Variants in RPS6KA5 observed in about 807,000 individuals in gnomAD.
RPS6KA5 encodes ribosomal protein S6 kinase A5, also known as ribosomal protein S6 kinase alpha-5.
Under a neutral mutation model 85.5 loss-of-function variants are expected in RPS6KA5, and 27 were observed. The observed-to-expected ratio is 0.32, with a 90% confidence interval of 0.23 to 0.44. The LOEUF is 0.44. Among genes scored for constraint, RPS6KA5 ranks in the 20% least tolerant of loss-of-function variants. RPS6KA5 has a pLI of 1.00. For synonymous variants in RPS6KA5, 334 were observed against 348.2 expected (o/e 0.96, Z 0.46); for missense variants, 811 against 980.9 (o/e 0.83, Z 2.31).
chr14:90,932,418 G>A (rs532967998), intron 5 of RPS6KA5, among the ~76,000 whole-genome samples: 20 of 152,234 alleles, frequency 1.3e-4, no homozygotes, highest in African/African-American at 3.9e-4. Flanking sequence ...GGGATTACAG[G>A]CATCAGCCCA....
intron 2 of RPS6KA5, among the ~76,000 whole-genome samples, chr14:90,984,497 G>C (rs1037963765): frequency 6.6e-6 from 1 of 152,188 alleles, no homozygotes; most frequent in Non-Finnish European, 1.5e-5. Flanking sequence ...TATGAAGGTC[G>C]CTTCTGTTCA....
chr14:91,037,237 G>A (rs981394758), intron 1 of RPS6KA5, among the ~76,000 whole-genome samples: 10 of 152,196 alleles, frequency 6.6e-5, no homozygotes, highest in African/African-American at 2.2e-4. Flanking sequence ...ATCCCCCAGA[G>A]ATGAAGGTCT....
intron 3 of RPS6KA5, among the ~76,000 whole-genome samples, chr14:90,951,045 G>A (rs1440628867): frequency 6.6e-6 from 1 of 150,836 alleles, no homozygotes; most frequent in Non-Finnish European, 1.5e-5. Context: ...GCTTGAACCG[G>A]GAGGCAGAGG....
intron 3 of RPS6KA5, among the ~76,000 whole-genome samples, chr14:90,971,494 C>T (rs1214473087): frequency 6.6e-6 from 1 of 152,104 alleles, no homozygotes; most frequent in Admixed American, 6.5e-5. Context: ...AAGGCAACTA[C>T]CAGTAAATAC....
At chr14:90,928,266 A>T (rs1240279084) in intron 5 of RPS6KA5, among the ~76,000 whole-genome samples, 1 of 151,766 alleles carries the variant, frequency 6.6e-6, no homozygotes, top group Non-Finnish European at 1.5e-5. Flanking sequence ...ATATATAAGA[A>T]CTTGTGGGAT....
chr14:90,874,321 G>C (rs1415459097), intron 15 of RPS6KA5, among the ~76,000 whole-genome samples: 1 of 152,236 alleles, frequency 6.6e-6, no homozygotes, highest in Non-Finnish European at 1.5e-5. Flanking sequence ...GGAGAGTGTA[G>C]CCTAGGGAGT....
intron 3 of RPS6KA5, among the ~76,000 whole-genome samples, chr14:90,974,447 T>C (rs1291479424): frequency 6.6e-6 from 1 of 152,220 alleles, no homozygotes; most frequent in East Asian, 1.9e-4. Context: ...CAAATGGCCA[T>C]GAATTCTTTC....
In RPS6KA5 at chr14:90,983,785, CTT is replaced by C. The variant is rs1491446641; in HGVS notation, c.176-5263_176-5262del. On this transcript the variant is annotated intron_variant, in intron 2 of 16. Coordinates refer to ENST00000614987, the MANE Select transcript of RPS6KA5 (RefSeq NM_004755.4). ...CTTTCTTTCTTTCCTTTCTTTCTTT[CTT>C]TCTCTCTCTCTCTCTCTCTCTCTCT... 1.8e-3 allele frequency among the ~76,000 whole-genome samples: 221 copies of C among 125,246 alleles called. 2 individuals are homozygous for C. The highest frequency in any genetic ancestry group is 0.012 in the Middle Eastern group (3 of 248). 82.2% of individuals were successfully genotyped at this position (125,246 alleles called of 152,430 possible). A position where few individuals can be genotyped will look rare whatever the true frequency, so the allele number is the denominator to read the frequency against.
chr14:90,900,214 G>A lies in RPS6KA5; in HGVS notation c.1273C>T (p.Leu425=). The A allele has an allele frequency of 6.3e-7, 1 of 1,599,948 alleles. No homozygotes were observed. The highest frequency in any genetic ancestry group is 1.1e-5 in the South Asian group (1 of 88,204). Residue 425 remains leucine, a synonymous_variant, in exon 11 of 17, where the codon CTA becomes TTA. Transcript: ENST00000614987. ...KDSPFYQHYD[L]DLKDKPLGEG... ...CCCAGGGGTTTGTCCTTCAAATCTA[G>A]GTCATAGTGTTGATAGAATGGAGAG...
In RPS6KA5 at chr14:90,989,917, A is replaced by C. The variant is rs143232175; in HGVS notation, c.175+11171T>G. Among the ~76,000 whole-genome samples the C allele has an allele frequency of 5.1e-4, 77 of 152,316 alleles. 2 individuals carry two copies. Among genetic ancestry groups the C allele is most frequent in the Admixed American group, 5.0e-3 (76 of 15,298 alleles). On this transcript the variant is annotated intron_variant, in intron 2 of 16. Transcript: ENST00000614987. ...AAAAATATACAGGGATGATCGTAAGAGCTTACAATCCAGAGGAAAGATTGC... is the reference window on the plus strand; with the variant it reads ...AAAAATATACAGGGATGATCGTAAGCGCTTACAATCCAGAGGAAAGATTGC...
chr14:90,940,757 G>C (rs2037527975), intron 5 of RPS6KA5, among the ~76,000 whole-genome samples: 1 of 152,186 alleles, frequency 6.6e-6, no homozygotes, highest in Non-Finnish European at 1.5e-5. Context: ...CAGGAGGTGA[G>C]CAGCAGACAA....
chr14:91,052,285 TAAAAAAAAAAAAAAAAAAA>T lies in RPS6KA5; in HGVS notation c.103+8028_103+8046del, dbSNP rs57523052. 2.1e-4 allele frequency: 45 copies of T among 213,066 alleles called. No homozygotes were observed. The African/African-American group carries it at 3.1e-3, about 15-fold the overall frequency. 13.2% of individuals were successfully genotyped at this position (213,066 alleles called of 1,614,324 possible). ...CAACATGGCAAAACCCCATCTCTAC[TAAAAAAAAAAAAAAAAAAA>T]AAAAAAAAAAAAAATTACCTGGGTA... is the stretch of plus-strand genomic sequence containing the variant. On this transcript the variant is annotated intron_variant, in intron 1 of 16. Coordinates refer to ENST00000614987, the MANE Select transcript of RPS6KA5 (RefSeq NM_004755.4).
intron 14 of RPS6KA5, among the ~76,000 whole-genome samples, chr14:90,889,807 G>A (rs560309237): frequency 3.9e-4 from 59 of 152,278 alleles, no homozygotes; most frequent in African/African-American, 1.3e-3. Flanking sequence ...GCTGAAGGGA[G>A]AGAGAGAGCT....
At chr14:90,995,008 A>G (rs1412020766) in intron 2 of RPS6KA5, among the ~76,000 whole-genome samples, 1 of 152,218 alleles carries the variant, frequency 6.6e-6, no homozygotes, top group East Asian at 1.9e-4. Context: ...ATTCATAAGT[A>G]GAATAAACTA....
intron 5 of RPS6KA5, among the ~76,000 whole-genome samples, chr14:90,936,539 A>C (rs1316510946): frequency 6.6e-6 from 1 of 152,144 alleles, no homozygotes; most frequent in African/African-American, 2.4e-5. Context: ...GTGACAGACC[A>C]AGACCCCATC....
At chr14:90,909,124 C>G (rs1201539738) in intron 7 of RPS6KA5, among the ~76,000 whole-genome samples, 1 of 152,186 alleles carries the variant, frequency 6.6e-6, no homozygotes, top group African/African-American at 2.4e-5. Context: ...AACCCTAGAC[C>G]ACTGCTGCCT....
rs2033131571 is a variant in RPS6KA5 at position 90,871,832 on chromosome 14, G to C, written c.*242C>G. 7.8e-6 allele frequency: 3 copies of C among 384,764 alleles called. No individual in the cohort carries two copies. Among genetic ancestry groups the C allele is most frequent in the South Asian group, 1.1e-4 (2 of 18,730 alleles). 23.8% of individuals were successfully genotyped at this position (384,764 alleles called of 1,614,324 possible). ...TTTACAGGAACCTTTGCTCTTTCAAGAATAGTCTTGTTGGCATCATGCTAG... is the reference window on the plus strand; with the variant it reads ...TTTACAGGAACCTTTGCTCTTTCAACAATAGTCTTGTTGGCATCATGCTAG... On this transcript the variant is annotated 3_prime_UTR_variant, in exon 17 of 17. Coordinates refer to ENST00000614987, the MANE Select transcript of RPS6KA5 (RefSeq NM_004755.4).
At chr14:90,933,790 T>C (rs2037118317) in intron 5 of RPS6KA5, among the ~76,000 whole-genome samples, 1 of 152,174 alleles carries the variant, frequency 6.6e-6, no homozygotes, top group African/African-American at 2.4e-5. Flanking sequence ...ATCACCTCCA[T>C]GTCCTTCTTT....
At chr14:90,929,076 T>C (rs2036831691) in intron 5 of RPS6KA5, among the ~76,000 whole-genome samples, 1 of 152,114 alleles carries the variant, frequency 6.6e-6, no homozygotes, top group African/African-American at 2.4e-5. Flanking sequence ...CACATCATTA[T>C]GTGGTTAAAG....
Sources: gnomAD v4.1 joint callset for allele counts (sites outside exome capture counted in the v4.1 genomes callset) on GRCh38, gnomAD v4.1.1 for gene constraint, MANE v1.5 for transcripts, NCBI Gene and HGNC (gene_info 2026-07-23, HGNC 2026-07-21) for gene names.